Variants in SEL1L2 observed in about 807,000 individuals in gnomAD.
SEL1L2 encodes the protein SEL1L2 adaptor subunit of SYVN1 ubiquitin ligase.
In SEL1L2, 89 loss-of-function variants were observed where a neutral mutation model predicts 98.8. The ratio of observed to expected loss-of-function variants is 0.90; its 90% confidence interval spans 0.76 to 1.07. The LOEUF is 1.07. SEL1L2 is among the 50% of genes least tolerant of loss of function. The pLI, the probability that SEL1L2 is intolerant of heterozygous loss-of-function variation, is 0.00. For missense variants in SEL1L2, 788 were observed against 812.0 expected, an observed-to-expected ratio of 0.97 and a Z score of 0.36; for synonymous variants, 262 against 278.5, an observed-to-expected ratio of 0.94 and a Z score of 0.59.
intron 4 of SEL1L2, among the ~76,000 whole-genome samples, chr20:13,917,315 GC>G (rs1217216327): frequency 6.6e-6 from 1 of 152,088 alleles, no homozygotes; most frequent in Non-Finnish European, 1.5e-5. Context: ...CATTATAACA[GC>G]CCCCAGGGAC....
chr20:13,878,246 C>T (rs2046526780), intron 10 of SEL1L2, among the ~76,000 whole-genome samples: 1 of 152,178 alleles, frequency 6.6e-6, no homozygotes, highest in African/African-American at 2.4e-5. Context: ...GAAAGCCCCT[C>T]CTTGGAAACC....
At chr20:13,869,218 G>T (rs2046069162) in intron 14 of SEL1L2, among the ~76,000 whole-genome samples, 1 of 152,010 alleles carries the variant, frequency 6.6e-6, no homozygotes, top group Non-Finnish European at 1.5e-5. Context: ...CTGTAAGTTT[G>T]ACCTTTCTCG....
intron 7 of SEL1L2, 32 bp from the exon 8 acceptor site, chr20:13,887,882 C>G (rs769702492): frequency 1.2e-6 from 2 of 1,604,564 alleles, no homozygotes; most frequent in Middle Eastern, 1.7e-4. Flanking sequence ...TCTTAATATT[C>G]AAGACAATGC....
chr20:13,860,454 C>T (rs902326306), intron 17 of SEL1L2, among the ~76,000 whole-genome samples: 6 of 152,156 alleles, frequency 3.9e-5, no homozygotes, highest in African/African-American at 9.7e-5. Context: ...TCATCTTACC[C>T]GACGTCTGAG....
intron 17 of SEL1L2, among the ~76,000 whole-genome samples, chr20:13,863,952 G>C (rs997724917): frequency 2.1e-5 from 3 of 143,568 alleles, no homozygotes; most frequent in African/African-American, 7.8e-5. Context: ...CCTGGAGACA[G>C]AGCAAGACTC....
At position 13,888,528 on chromosome 20, in the gene SEL1L2, A is replaced by G. The variant is rs377662245; in HGVS notation, c.550-16T>C. ...ATCCTAATGCCTAAAGCACAAAAGAAGAAACAAAATTTAATAAATCAATTT... is the reference window on the plus strand; with the variant it reads ...ATCCTAATGCCTAAAGCACAAAAGAGGAAACAAAATTTAATAAATCAATTT... On this transcript the variant is annotated splice_polypyrimidine_tract_variant and intron_variant, in intron 5 of 19. Transcript: ENST00000284951. 1.5e-4 allele frequency: 222 copies of G among 1,440,880 alleles called. No individual in the cohort carries two copies. The highest frequency in any genetic ancestry group is 1.9e-4 in the Non-Finnish European group (201 of 1,039,100). The allele number at this position is 1,440,880 out of a possible 1,614,324, so 89.3% of individuals were successfully genotyped here.
chr20:13,939,307 C>T (rs534371727), intron 2 of SEL1L2, among the ~76,000 whole-genome samples: 4 of 151,778 alleles, frequency 2.6e-5, no homozygotes, highest in Non-Finnish European at 5.9e-5. Context: ...CCTCCCAAAA[C>T]GCTGGGATTA....
In SEL1L2 at chr20:13,849,534, C is replaced by G. The variant is rs780349912; in HGVS notation, c.2018G>C (p.Gly673Ala). Residue 673 changes from glycine to alanine, a missense_variant, in exon 20 of 20, where the codon GGC (glycine) becomes GCC (alanine). Physicochemically the swap from Gly to Ala is moderately conservative, Grantham distance 60. Coordinates refer to ENST00000284951, the MANE Select transcript of SEL1L2 (RefSeq NM_025229.2). Reference protein sequence around the residue: ...IGPHWDLFVIGLIVPGLILLL... With the variant: ...IGPHWDLFVIALIVPGLILLL... ...CAAAATCAGCCCAGGAACAATGAGG[C>G]CAATCACAAATAAGTCCCAGTGTGG... 6.2e-7 allele frequency: 1 copy of G among 1,614,084 alleles called. No individual in the cohort carries two copies. The highest frequency in any genetic ancestry group is 1.7e-5 in the Admixed American group (1 of 60,010).
In SEL1L2 at chr20:13,877,552, C is replaced by T. The variant is rs770611148; in HGVS notation, c.994G>A (p.Gly332Arg). Reference protein sequence around the residue: ...LHYFLKAAKAGSANAMAFIGK... With the variant: ...LHYFLKAAKARSANAMAFIGK... ...ATAAATGCCATGGCATTTGCACTCC[C>T]GGCCTTTGCTGCCTTTAAGAAGTAG... Residue 332 changes from glycine (G) to arginine (R), a missense_variant, in exon 11 of 20, where the codon GGG becomes AGG. Transcript: ENST00000284951. 116 of 1,613,076 alleles carry T rather than the reference C, an allele frequency of 7.2e-5. No homozygotes were observed. The highest frequency in any genetic ancestry group is 1.7e-4 in the Middle Eastern group (1 of 5,906).
At chr20:13,914,256 G>A (rs1270136926) in intron 4 of SEL1L2, among the ~76,000 whole-genome samples, 3 of 152,080 alleles carry the variant, frequency 2.0e-5, no homozygotes, top group African/African-American at 4.8e-5. Context: ...TATACACTGA[G>A]TAAAGTGAAA....
chr20:13,876,101 C>A lies in SEL1L2; in HGVS notation c.1041G>T (p.Gly347=), dbSNP rs1221413434. ...CGTTATTTTGCGGCACGGCAGCATTCCCCTCTAAATACATCTAGGAAGAAA... is the reference window on the plus strand; with the variant it reads ...CGTTATTTTGCGGCACGGCAGCATTACCCTCTAAATACATCTAGGAAGAAA... The part of the protein sequence containing the change: ...MAFIGKMYLE[G]NAAVPQNNAT... Residue 347 remains glycine (G), a synonymous_variant, in exon 12 of 20, where the codon GGG becomes GGT. Transcript: ENST00000284951. 1 of 1,613,142 alleles carries A rather than the reference C, an allele frequency of 6.2e-7. No individual in the cohort carries two copies. Among genetic ancestry groups the A allele is most frequent in the Non-Finnish European group, 8.5e-7 (1 of 1,179,248 alleles).
chr20:13,944,504 A>G (rs1258201548), intron 2 of SEL1L2, among the ~76,000 whole-genome samples: 1 of 152,228 alleles, frequency 6.6e-6, no homozygotes, highest in Non-Finnish European at 1.5e-5. Flanking sequence ...TGTTCTAAGC[A>G]TCTGGTGGAT....
At chr20:13,858,273 G>T (rs1226603776) in intron 18 of SEL1L2, among the ~76,000 whole-genome samples, 1 of 152,104 alleles carries the variant, frequency 6.6e-6, no homozygotes, top group Admixed American at 6.5e-5. Flanking sequence ...GCATAGGAAA[G>T]CCGATAATTC....
At chr20:13,885,269 C>A in intron 10 of SEL1L2, 78 bp downstream of exon 10, 2 of 920,342 alleles carry the variant, frequency 2.2e-6, no homozygotes, top group Admixed American at 1.7e-5. Flanking sequence ...TCTCCCTCCC[C>A]CTGCTTTCAC....
intron 2 of SEL1L2, among the ~76,000 whole-genome samples, chr20:13,933,047 A>C (rs2049223905): frequency 6.6e-6 from 1 of 151,968 alleles, no homozygotes; most frequent in Non-Finnish European, 1.5e-5. Flanking sequence ...GTCTCTACTA[A>C]AAATACAAAA....
chr20:13,859,556 T>C (rs959918005), intron 17 of SEL1L2, 122 bp from the exon 18 acceptor site: 5 of 853,778 alleles, frequency 5.9e-6, no homozygotes, highest in Non-Finnish European at 8.8e-6. Context: ...TAGCCAAGTA[T>C]AAAAAGGAAC....
Position 13,859,285 on chromosome 20 carries a change from CAT to C in SEL1L2, c.1793_1794del (p.Tyr598Ter), listed in dbSNP as rs758321347. On this transcript the variant is annotated frameshift_variant, in exon 18 of 20. Transcript: ENST00000284951. LOFTEE classifies it high-confidence loss of function. ...AQAMFNLAYM[Y>X]EHGLGITKDI... ...ACCTTTGTGATGCCTAAGCCGTGTT[CAT>C]ACATATAAGCCAGATTGAACATGGC... 159 of 1,614,130 alleles carry C rather than the reference CAT, an allele frequency of 9.9e-5. 1 individual carries two copies. In the East Asian group the frequency reaches 3.5e-3, roughly 35 times the overall value.
intron 1 of SEL1L2, among the ~76,000 whole-genome samples, chr20:13,962,970 G>A (rs191734504): frequency 1.1e-4 from 17 of 151,872 alleles, no homozygotes; most frequent in Non-Finnish European, 2.4e-4. Context: ...GGGAGGCTGA[G>A]GCGGGAGAAT....
chr20:13,938,672 G>T (rs1215410885), intron 2 of SEL1L2, among the ~76,000 whole-genome samples: 1 of 152,082 alleles, frequency 6.6e-6, no homozygotes, highest in East Asian at 1.9e-4. Context: ...TATTAGCTGT[G>T]TCTAACTGTG....
Sources: gnomAD v4.1 joint callset for allele counts (sites outside exome capture counted in the v4.1 genomes callset) on GRCh38, gnomAD v4.1.1 for gene constraint, MANE v1.5 for transcripts, NCBI Gene and HGNC (gene_info 2026-07-23, HGNC 2026-07-21) for gene names.